Variants in CELSR1 observed in about 807,000 individuals in gnomAD.
CELSR1 encodes the protein adhesion G protein-coupled receptor C1.
CELSR1 carries 110 observed loss-of-function variants against 249.1 expected under a neutral mutation model. That is an observed-to-expected ratio of 0.44 (90% CI 0.38 to 0.52). The LOEUF is 0.52. Ranked by LOEUF, CELSR1 falls within the 20% of genes least tolerant of loss-of-function variation. The pLI, the probability that CELSR1 is intolerant of heterozygous loss-of-function variation, is 0.00. For synonymous variants in CELSR1, 2,113 were observed against 1,900.0 expected, an observed-to-expected ratio of 1.11 and a Z score of -2.92; for missense variants, 4,109 against 4,296.4, an observed-to-expected ratio of 0.96 and a Z score of 1.22.
chr22:46,443,670 CACAT>C (rs202173586), intron 2 of CELSR1, among the ~76,000 whole-genome samples: 1 of 152,104 alleles, frequency 6.6e-6, no homozygotes, highest in African/African-American at 2.4e-5. Context: ...CACACACACA[CACAT>C]ACATACACAT....
chr22:46,520,415 A>ATT (rs540335771), intron 1 of CELSR1, among the ~76,000 whole-genome samples: 3 of 151,966 alleles, frequency 2.0e-5, no homozygotes, highest in South Asian at 2.1e-4. Flanking sequence ...TCCTTCTAGC[A>ATT]TTTTTTTCTT....
intron 1 of CELSR1, among the ~76,000 whole-genome samples, chr22:46,502,762 T>C (rs533053933): frequency 1.3e-5 from 2 of 152,162 alleles, no homozygotes; most frequent in Admixed American, 1.3e-4. Flanking sequence ...CCCATGATCA[T>C]AGCCCCACAC....
rs114066266 is a variant in CELSR1 at position 46,464,384 on chromosome 22, C to T, written c.3545-39G>A. 1.0e-3 allele frequency: 1,588 copies of T among 1,582,302 alleles called. 9 individuals carry two copies. The African/African-American group carries it at 0.018, about 18-fold the overall frequency. On this transcript the variant is annotated intron_variant, in intron 1 of 34. Coordinates refer to ENST00000674500, the MANE Select transcript of CELSR1 (RefSeq NM_001378328.1). This position sits in a 1 kb window ranked among gnomAD's most constrained non-coding sequence, Gnocchi z 8.5. ...GAAAGTCAGGGTCATTCAGATGCTG[C>T]GGGAGTCACAGGTCCTATAGGCCCC...
chr22:46,363,258 G>T lies in CELSR1; in HGVS notation c.9036-11C>A. On this transcript the variant is annotated splice_polypyrimidine_tract_variant and intron_variant, in intron 34 of 34. Coordinates refer to ENST00000674500, the MANE Select transcript of CELSR1 (RefSeq NM_001378328.1). The surrounding 1 kb of genome is among the most constrained non-coding windows in gnomAD (Gnocchi z 4.3). ...GTTTCATTACTGCCTCTGCGCGTGG[G>T]AAGAAGCCAGCAAGCAGGTGAAGGG... 1.2e-6 allele frequency: 2 copies of T among 1,610,554 alleles called. No individual in the cohort carries two copies. The highest frequency in any genetic ancestry group is 4.5e-5 in the East Asian group (2 of 44,842).
intron 1 of CELSR1, among the ~76,000 whole-genome samples, chr22:46,508,963 A>T (rs1313714890): frequency 3.3e-5 from 5 of 152,144 alleles, no homozygotes; most frequent in African/African-American, 9.7e-5. Flanking sequence ...CAGGATAGCC[A>T]CGACCCTCAC....
At position 46,460,210 on chromosome 22, in the gene CELSR1, CA is replaced by C. The variant is rs869258889; in HGVS notation, c.4183+3496del. ...ACACACACACACACACACACACACA[CA>C]CACACCCATTAGCTACAGTCCCTGC... On this transcript the variant is annotated intron_variant, in intron 2 of 34. Coordinates refer to ENST00000674500, the MANE Select transcript of CELSR1 (RefSeq NM_001378328.1). Among the ~76,000 whole-genome samples the C allele has an allele frequency of 4.8e-3, 682 of 142,984 alleles. 8 individuals carry two copies. Among genetic ancestry groups the C allele is most frequent in the African/African-American group, 0.017 (616 of 36,048 alleles). The allele number at this position is 142,984 out of a possible 152,430, so 93.8% of individuals were successfully genotyped here.
At chr22:46,477,192 T>C (rs1046478794) in intron 1 of CELSR1, among the ~76,000 whole-genome samples, 10 of 152,312 alleles carry the variant, frequency 6.6e-5, no homozygotes, top group Middle Eastern at 3.4e-3. Flanking sequence ...ATGCTGAGTA[T>C]GGCTTGGGTA....
chr22:46,446,987 G>A lies in CELSR1; in HGVS notation c.4184-7576C>T, dbSNP rs1426412835. Among the ~76,000 whole-genome samples the A allele has an allele frequency of 6.6e-6, 1 of 152,078 alleles. No homozygotes were observed. The highest frequency in any genetic ancestry group is 2.4e-5 in the African/African-American group (1 of 41,398). On this transcript the variant is annotated intron_variant, in intron 2 of 34. Transcript: ENST00000674500. The surrounding 1 kb of genome is among the most constrained non-coding windows in gnomAD (Gnocchi z 5.5). Reference sequence around the variant, plus strand: ...GGTTAAGCACTTGCAGCACAGCCCTGCACAGAAGATAAAGTTAAGCAAAGC... The same window carrying A: ...GGTTAAGCACTTGCAGCACAGCCCTACACAGAAGATAAAGTTAAGCAAAGC...
rs982811497 is a variant in CELSR1 at position 46,393,410 on chromosome 22, A to G, written c.5964+732T>C. Among the ~76,000 whole-genome samples, 1 of 152,200 alleles carries G rather than the reference A, an allele frequency of 6.6e-6. No individual in the cohort carries two copies. Among genetic ancestry groups the G allele is most frequent in the Non-Finnish European group, 1.5e-5 (1 of 68,040 alleles). ...CACTTAGTGACACTTTCTATTTTAA[A>G]ACTGCTGTCATCATGGGACACCAGC... On this transcript the variant is annotated intron_variant, in intron 14 of 34. Transcript: ENST00000674500. The surrounding 1 kb of genome is among the most constrained non-coding windows in gnomAD (Gnocchi z 4.1).
At chr22:46,426,574 C>G (rs1042227255) in intron 5 of CELSR1, among the ~76,000 whole-genome samples, 1 of 152,132 alleles carries the variant, frequency 6.6e-6, no homozygotes, top group African/African-American at 2.4e-5. Flanking sequence ...GCTGCACTTC[C>G]TAATACTATC....
In CELSR1 at chr22:46,534,276, G is replaced by A. The variant is rs777954825; in HGVS notation, c.2895C>T (p.Asn965=). The A allele has an allele frequency of 1.2e-6, 2 of 1,613,368 alleles. No individual in the cohort carries two copies. The highest frequency in any genetic ancestry group is 1.1e-5 in the South Asian group (1 of 91,086). The part of the protein sequence containing the change: ...RLDRENVAVY[N]LWALAVDRGS... ...CCCGATCCACAGCCAGAGCCCAAAG[G>A]TTGTACACGGCCACATTCTCCCGGT... Residue 965 remains asparagine, a synonymous_variant, in exon 1 of 35, where the codon AAC becomes AAT. Transcript: ENST00000674500. The surrounding 1 kb of genome is among the most constrained non-coding windows in gnomAD (Gnocchi z 9.7).
At chr22:46,451,771 G>A (rs1319886906) in intron 2 of CELSR1, among the ~76,000 whole-genome samples, 1 of 152,190 alleles carries the variant, frequency 6.6e-6, no homozygotes, top group Admixed American at 6.5e-5. Flanking sequence ...CCTAAAATCT[G>A]GGAATGTTAC....
Position 46,362,734 on chromosome 22 carries a change from G to A in CELSR1, c.*489C>T, listed in dbSNP as rs560425527. ...AGTATCTCCACCTTTCCCACATAGC[G>A]AAGTGATTTTAAGACAAGGGGTGCC... On this transcript the variant is annotated 3_prime_UTR_variant, in exon 35 of 35. Transcript: ENST00000674500. 22 of 178,424 alleles carry A rather than the reference G, an allele frequency of 1.2e-4. No individual in the cohort carries two copies. The highest frequency in any genetic ancestry group is 7.0e-4 in the East Asian group (5 of 7,098). The allele number at this position is 178,424 out of a possible 1,614,324, so 11.1% of individuals were successfully genotyped here.
intron 9 of CELSR1, among the ~76,000 whole-genome samples, chr22:46,405,756 C>T (rs1239116127): frequency 6.6e-6 from 1 of 152,100 alleles, no homozygotes; most frequent in African/African-American, 2.4e-5. Context: ...CTTCTTTGTC[C>T]CACCACAGTG....
At chr22:46,497,204 A>G (rs555398268) in intron 1 of CELSR1, among the ~76,000 whole-genome samples, 1 of 152,364 alleles carries the variant, frequency 6.6e-6, no homozygotes, top group East Asian at 1.9e-4. Flanking sequence ...TCACTTCACT[A>G]TAAGTATCCA....
Position 46,437,308 on chromosome 22 carries a change from T to A in CELSR1, c.4407-1019A>T, listed in dbSNP as rs78151436. ...AACTTGGCAACCTCCTGAGTGAGCT[T>A]GGGACTGGCTCCTGAGCTGGCTGGG... is the stretch of plus-strand genomic sequence containing the variant. On this transcript the variant is annotated intron_variant, in intron 3 of 34. Transcript: ENST00000674500. The surrounding 1 kb of genome is among the most constrained non-coding windows in gnomAD (Gnocchi z 4.9). Among the ~76,000 whole-genome samples, 1,831 of 152,268 alleles carry A rather than the reference T, an allele frequency of 0.012. 40 individuals are homozygous for A. Among genetic ancestry groups the A allele is most frequent in the African/African-American group, 0.042 (1,729 of 41,556 alleles).
chr22:46,377,274 G>A lies in CELSR1; in HGVS notation c.7384-13C>T, dbSNP rs745317688. On this transcript the variant is annotated splice_polypyrimidine_tract_variant and intron_variant, in intron 23 of 34. Coordinates refer to ENST00000674500, the MANE Select transcript of CELSR1 (RefSeq NM_001378328.1). ...GGACCTCCCCGTTCTATGGGCAGGA[G>A]GGTTAAAGGCAGGAGAGAAGGTAAG... 1.2e-6 allele frequency: 2 copies of A among 1,613,116 alleles called. No homozygotes were observed. Among genetic ancestry groups the A allele is most frequent in the South Asian group, 2.2e-5 (2 of 91,024 alleles).
At chr22:46,442,446 C>A (rs1285407572) in intron 2 of CELSR1, among the ~76,000 whole-genome samples, 4 of 152,210 alleles carry the variant, frequency 2.6e-5, no homozygotes, top group Non-Finnish European at 5.9e-5. Context: ...GCCTTGTATA[C>A]CTGCAGGGCA....
At chr22:46,425,295 G>A (rs975517316) in intron 5 of CELSR1, among the ~76,000 whole-genome samples, 2 of 152,190 alleles carry the variant, frequency 1.3e-5, no homozygotes, top group South Asian at 4.1e-4. Context: ...ATTGGAATGA[G>A]GGTAATGCTT....
Sources: gnomAD v4.1 joint callset for allele counts (sites outside exome capture counted in the v4.1 genomes callset) on GRCh38, gnomAD v4.1.1 for gene constraint, Gnocchi (gnomAD v3.1) non-coding constraint, MANE v1.5 for transcripts, NCBI Gene and HGNC (gene_info 2026-07-23, HGNC 2026-07-21) for gene names.